The following SLC17A8 variants were observed in gnomAD, a reference collection of about 807,000 sequenced individuals.
SLC17A8 encodes solute carrier family 17 member 8, also known as vesicular glutamate transporter 3.
A neutral mutation model predicts 58.0 loss-of-function variants in SLC17A8; 31 were observed. The ratio of observed to expected loss-of-function variants is 0.53; its 90% CI spans 0.40 to 0.72. The LOEUF is 0.72. SLC17A8 is among the 30% of genes least tolerant of loss of function. The probability of loss-of-function intolerance (pLI) is 0.00; values close to 1 mark genes in which losing one functional copy is unlikely to be tolerated. For synonymous variants in SLC17A8, 228 were observed against 249.0 expected (o/e 0.92, Z 0.79); for missense variants, 655 against 727.8 (o/e 0.90, Z 1.15).
chr12:100,397,710 A>C (rs1952762823), intron 5 of SLC17A8, among the ~76,000 whole-genome samples: 1 of 152,150 alleles, frequency 6.6e-6, no homozygotes, highest in South Asian at 2.1e-4. Context: ...TGGGAGGCTG[A>C]GGTGGAGGAT....
chr12:100,421,829 A>G lies in SLC17A8; in HGVS notation c.*1670A>G, dbSNP rs185555740. The G allele has an allele frequency of 2.0e-5, 3 of 152,258 alleles. No individual in the cohort carries two copies. The East Asian group carries it at 5.8e-4, about 29-fold the overall frequency. The allele number at this position is 152,258 out of a possible 1,614,324, so 9.4% of individuals were successfully genotyped here. On this transcript the variant is annotated 3_prime_UTR_variant, in exon 12 of 12. Coordinates refer to ENST00000323346, the MANE Select transcript of SLC17A8 (RefSeq NM_139319.3). ...TAGCATACAATTTATGTTAGTAGAC[A>G]TCTTTAAATCTCTTTAATGAGTGAA...
At chr12:100,398,464 C>G (rs1353929770) in intron 5 of SLC17A8, among the ~76,000 whole-genome samples, 1 of 152,158 alleles carries the variant, frequency 6.6e-6, no homozygotes, top group African/African-American at 2.4e-5. Context: ...GACTAGCAGC[C>G]ACTCCCCATT....
rs1021307562 is a variant in SLC17A8, at chr12:100,421,440, C to T, written c.*1281C>T. ...AATGAAAACATTTGGGGCAATTAGA[C>T]CTACAGTTACTGTTGAAAAATTCAC... is the stretch of plus-strand genomic sequence containing the variant. On this transcript the variant is annotated 3_prime_UTR_variant, in exon 12 of 12. Transcript: ENST00000323346. The T allele has an allele frequency of 6.6e-6, 1 of 152,040 alleles. No individual in the cohort carries two copies. The highest frequency in any genetic ancestry group is 2.4e-5 in the African/African-American group (1 of 41,408). 9.4% of individuals were successfully genotyped at this position (152,040 alleles called of 1,614,324 possible). A position where few individuals can be genotyped will look rare whatever the true frequency, so the allele number is the denominator to read the frequency against.
rs981495419 is a variant in SLC17A8 at position 100,357,562 on chromosome 12, T to C, written c.101+70T>C. 5.7e-6 allele frequency: 6 copies of C among 1,057,200 alleles called. No homozygotes were observed. The African/African-American group carries it at 9.3e-5, about 16-fold the overall frequency. 65.5% of individuals were successfully genotyped at this position (1,057,200 alleles called of 1,614,324 possible). A position where few individuals can be genotyped will look rare whatever the true frequency, so the allele number is the denominator to read the frequency against. ...TATTGCCAATGTGTGAGAGACTTGG[T>C]ATCACGTTTTTAAAACCACACTTTA... On this transcript the variant is annotated intron_variant, in intron 1 of 11. Transcript: ENST00000323346.
intron 1 of SLC17A8, among the ~76,000 whole-genome samples, chr12:100,369,524 T>C (rs1293917524): frequency 6.6e-6 from 1 of 152,230 alleles, no homozygotes; most frequent in Non-Finnish European, 1.5e-5. Context: ...TGAAACCATC[T>C]GCACTGCCAT....
intron 1 of SLC17A8, among the ~76,000 whole-genome samples, chr12:100,359,415 C>T (rs1341842196): frequency 1.3e-5 from 2 of 152,064 alleles, no homozygotes; most frequent in East Asian, 1.9e-4. Context: ...ACAAAATTGG[C>T]GATTTTCCAA....
rs750095204 is a variant in SLC17A8 at position 100,418,073 on chromosome 12, A to C, written c.1342A>C (p.Ile448Leu). The C allele has an allele frequency of 8.7e-6, 14 of 1,614,200 alleles. 1 individual carries two copies. The South Asian group carries it at 1.5e-4, about 18-fold the overall frequency. ...HLDIAPRYAS[I>L]LMGISNGVGT... is the part of the protein sequence containing the mutation. ...GGACATTGCCCCACGCTATGCCAGC[A>C]TTCTCATGGGGATCTCAAACGGAGT... is the stretch of plus-strand genomic sequence containing the variant. The change falls in exon 11 of 12, where the codon ATT becomes CTT. Residue 448 changes from isoleucine (I) to leucine (L), a missense_variant. Ile to Leu is a conservative substitution (Grantham distance 5). Coordinates refer to ENST00000323346, the MANE Select transcript of SLC17A8 (RefSeq NM_139319.3).
chr12:100,406,520 C>T (rs572795625), intron 9 of SLC17A8, among the ~76,000 whole-genome samples: 4 of 151,104 alleles, frequency 2.6e-5, no homozygotes, highest in East Asian at 1.9e-4. Flanking sequence ...ATTTAAAGCA[C>T]GGAATGGATA....
chr12:100,386,201 A>G (rs1458077500), intron 2 of SLC17A8, among the ~76,000 whole-genome samples: 1 of 152,052 alleles, frequency 6.6e-6, no homozygotes, highest in Non-Finnish European at 1.5e-5. Flanking sequence ...TTTGGGGGCC[A>G]TTTTTTGGCC....
At chr12:100,419,488 G>A (rs1222425935) in intron 11 of SLC17A8, among the ~76,000 whole-genome samples, 1 of 150,558 alleles carries the variant, frequency 6.6e-6, no homozygotes, top group Non-Finnish European at 1.5e-5. Flanking sequence ...AGCCGAGATC[G>A]CGCCACTGCA....
intron 1 of SLC17A8, among the ~76,000 whole-genome samples, chr12:100,361,975 C>CA (rs200962391): frequency 0.012 from 1,836 of 150,296 alleles, 31 homozygotes; most frequent in East Asian, 0.039. Context: ...AAAAACAAAA[C>CA]AAAAAAAAAC....
intron 9 of SLC17A8, among the ~76,000 whole-genome samples, chr12:100,409,190 TATGTATG>T (rs1952848726): frequency 2.1e-5 from 3 of 145,058 alleles, no homozygotes; most frequent in Non-Finnish European, 4.7e-5. Context: ...TGTATGTATG[TATGTATG>T]TATTTAGAGA....
chr12:100,385,361 A>T (rs558125830), intron 2 of SLC17A8, among the ~76,000 whole-genome samples: 2 of 150,216 alleles, frequency 1.3e-5, no homozygotes, highest in South Asian at 4.2e-4. Context: ...TTAGGCTATC[A>T]AGTAGCTGGG....
chr12:100,385,972 C>G (rs1389316290), intron 2 of SLC17A8, among the ~76,000 whole-genome samples: 1 of 152,172 alleles, frequency 6.6e-6, no homozygotes, highest in Admixed American at 6.5e-5. Context: ...ACTCTCATGT[C>G]TGCCTCCATC....
At chr12:100,407,599 G>GT (rs144902931) in intron 9 of SLC17A8, among the ~76,000 whole-genome samples, 120 of 150,018 alleles carry the variant, frequency 8.0e-4, no homozygotes, top group Admixed American at 1.2e-3. Flanking sequence ...TTTTTTGTTT[G>GT]TTTGTTTTGT....
chr12:100,357,139 G>A lies in SLC17A8; in HGVS notation c.-253G>A, dbSNP rs1186021463. On this transcript the variant is annotated 5_prime_UTR_variant, in exon 1 of 12. Coordinates refer to ENST00000323346, the MANE Select transcript of SLC17A8 (RefSeq NM_139319.3). ...TGCAGAGCGTGCAGCTTTTGCAAGG[G>A]ACTGAATTCCCAGCCAGACACCCCT... 13 of 441,666 alleles carry A rather than the reference G, an allele frequency of 2.9e-5. No homozygotes were observed. The East Asian group carries it at 6.1e-4, about 21-fold the overall frequency. The allele number at this position is 441,666 out of a possible 1,614,324, so 27.4% of individuals were successfully genotyped here. A position where few individuals can be genotyped will look rare whatever the true frequency, so the allele number is the denominator to read the frequency against.
At chr12:100,393,344 AT>A in intron 3 of SLC17A8, 24 bp from the exon 4 acceptor site, 3 of 1,552,856 alleles carry the variant, frequency 1.9e-6, no homozygotes, top group Non-Finnish European at 2.7e-6. Context: ...GACCTGCCGA[AT>A]AACACAATGC....
intron 2 of SLC17A8, among the ~76,000 whole-genome samples, chr12:100,384,874 CTT>C (rs1490325854): frequency 6.6e-6 from 1 of 152,176 alleles, no homozygotes; most frequent in African/African-American, 2.4e-5. Context: ...CCCACAGAGT[CTT>C]TCATTGGCTT....
intron 9 of SLC17A8, among the ~76,000 whole-genome samples, chr12:100,411,456 G>A (rs1321833752): frequency 6.6e-6 from 1 of 152,030 alleles, no homozygotes. Flanking sequence ...CTCCAGCCTG[G>A]GTGATAAGAG....
Sources: allele counts gnomAD v4.1 joint callset (sites outside exome capture counted in the v4.1 genomes callset), GRCh38; gene constraint gnomAD v4.1.1; transcripts MANE v1.5; gene names NCBI Gene and HGNC (gene_info 2026-07-23, HGNC 2026-07-21).